SMARCAL1: variants seen among roughly 807,000 people sequenced by gnomAD.
SMARCAL1 encodes the protein SNF2 related chromatin remodeling annealing helicase 1, also known as ATP-driven annealing helicase.
A neutral mutation model predicts 94.5 loss-of-function variants in SMARCAL1; 58 were observed. The observed-to-expected ratio is 0.61, with a 90% CI of 0.50 to 0.76. The LOEUF is 0.76. Among genes scored for constraint, SMARCAL1 ranks in the 30% least tolerant of loss-of-function variants. The probability of loss-of-function intolerance (pLI) is 0.00; values close to 1 mark genes in which losing one functional copy is unlikely to be tolerated. For missense variants in SMARCAL1, 1,051 were observed against 1,177.9 expected (o/e 0.89, Z 1.58); for synonymous variants, 422 against 455.1 (o/e 0.93, Z 0.93).
At chr2:216,471,356 ATTTTT>A (rs200528251) in intron 14 of SMARCAL1, among the ~76,000 whole-genome samples, 1 of 143,238 alleles carries the variant, frequency 7.0e-6, no homozygotes, top group Non-Finnish European at 1.5e-5. Flanking sequence ...CAGTGATTAA[ATTTTT>A]TTTTTTTTTT....
chr2:216,459,927 AT>A (rs1249336538), intron 12 of SMARCAL1, among the ~76,000 whole-genome samples: 2 of 152,352 alleles, frequency 1.3e-5, no homozygotes, highest in Non-Finnish European at 2.9e-5. Flanking sequence ...AAGTTTTGCA[AT>A]CTACTCATCT....
At chr2:216,436,385 A>G (rs2106038282) in intron 9 of SMARCAL1, among the ~76,000 whole-genome samples, 1 of 152,340 alleles carries the variant, frequency 6.6e-6, no homozygotes, top group East Asian at 1.9e-4. Context: ...GAAAGTCTAG[A>G]CAGACTTGGT....
chr2:216,461,815 C>G (rs1694712907), intron 12 of SMARCAL1, among the ~76,000 whole-genome samples: 1 of 149,040 alleles, frequency 6.7e-6, no homozygotes, highest in Admixed American at 6.7e-5. Context: ...GTGTGACAGA[C>G]AGAGACCTTG....
Position 216,415,223 on chromosome 2 carries a change from C to G in SMARCAL1, c.519C>G (p.Ser173=). Residue 173 remains serine (S), a synonymous_variant, in exon 3 of 18, where the codon TCC becomes TCG. Transcript: ENST00000357276. The part of the protein sequence containing the change: ...THKPLAKPKS[S]QETPAHSSGQ... ...AGCCTCTGGCCAAACCAAAGAGTTCCCAAGAGACACCAGCTCATTCCTCTG... is the reference window on the plus strand; with the variant it reads ...AGCCTCTGGCCAAACCAAAGAGTTCGCAAGAGACACCAGCTCATTCCTCTG... 1.2e-6 allele frequency: 2 copies of G among 1,614,190 alleles called. No individual in the cohort carries two copies. Among genetic ancestry groups the G allele is most frequent in the Non-Finnish European group, 1.7e-6 (2 of 1,180,030 alleles).
intron 7 of SMARCAL1, among the ~76,000 whole-genome samples, chr2:216,430,908 G>T (rs768476961): frequency 6.6e-6 from 1 of 152,234 alleles, no homozygotes; most frequent in Non-Finnish European, 1.5e-5. Flanking sequence ...CTGTGTTGTG[G>T]GTTGATCCCA....
intron 3 of SMARCAL1, 26 bp downstream of exon 3, chr2:216,415,541 T>C: frequency 7.6e-7 from 1 of 1,318,910 alleles, no homozygotes; most frequent in Non-Finnish European, 9.9e-7. Flanking sequence ...TTCAGCTGTT[T>C]TTTTTTTTTT....
intron 7 of SMARCAL1, among the ~76,000 whole-genome samples, chr2:216,432,222 G>C (rs1693979454): frequency 6.6e-6 from 1 of 152,070 alleles, no homozygotes; most frequent in Non-Finnish European, 1.5e-5. Context: ...TCAAACTCCT[G>C]ACCTCAGGTG....
intron 14 of SMARCAL1, among the ~76,000 whole-genome samples, chr2:216,473,240 T>A (rs1459866909): frequency 1.3e-5 from 2 of 151,828 alleles, no homozygotes; most frequent in African/African-American, 4.8e-5. Context: ...GAATTTTATA[T>A]AAATATGGAA....
chr2:216,457,885 A>G (rs1559133709), intron 12 of SMARCAL1, among the ~76,000 whole-genome samples: 2 of 152,214 alleles, frequency 1.3e-5, no homozygotes, highest in African/African-American at 2.4e-5. Context: ...CAAAAAATCA[A>G]TGAATCCAGG....
In SMARCAL1 at chr2:216,475,879, C is replaced by T. The variant is rs1695065375; in HGVS notation, c.2427+428C>T. Among the ~76,000 whole-genome samples the T allele has an allele frequency of 6.6e-6, 1 of 152,112 alleles. No individual in the cohort carries two copies. Among genetic ancestry groups the T allele is most frequent in the Non-Finnish European group, 1.5e-5 (1 of 68,034 alleles). On this transcript the variant is annotated intron_variant, in intron 15 of 17. Transcript: ENST00000357276. This position sits in a 1 kb window ranked among gnomAD's most constrained non-coding sequence, Gnocchi z 4.4. Reference sequence around the variant, plus strand: ...CTTCCAGGGCTAGAAGGAATCTTGACTTCATGTCTCATAGGAGGAAGTTAG... The same window carrying T: ...CTTCCAGGGCTAGAAGGAATCTTGATTTCATGTCTCATAGGAGGAAGTTAG...
At chr2:216,477,303 CTAAG>C (rs1439632452) in intron 16 of SMARCAL1, 94 bp downstream of exon 16, 2 of 907,050 alleles carry the variant, frequency 2.2e-6, no homozygotes, top group African/African-American at 3.3e-5. Flanking sequence ...TCTGCTTTTG[CTAAG>C]TAAGGTCTTT....
In SMARCAL1 at chr2:216,476,388, T is replaced by A. The variant is rs115106158; in HGVS notation, c.2428-721T>A. On this transcript the variant is annotated intron_variant, in intron 15 of 17. Transcript: ENST00000357276. ...GGCTGGACTGCAGGGACTTACTGGC[T>A]CACTGCAGCCTTGATTTCCCGAGCT... 3.2e-3 allele frequency among the ~76,000 whole-genome samples: 492 copies of A among 152,134 alleles called. 2 individuals are homozygous for A. Among genetic ancestry groups the A allele is most frequent in the African/African-American group, 0.012 (479 of 41,504 alleles).
At chr2:216,476,353 C>G (rs1250092974) in intron 15 of SMARCAL1, among the ~76,000 whole-genome samples, 1 of 151,336 alleles carries the variant, frequency 6.6e-6, no homozygotes, top group Non-Finnish European at 1.5e-5. Context: ...GGGTCTTGCT[C>G]TGTCACCCAG....
chr2:216,480,864 T>A (rs1174326113), intron 17 of SMARCAL1, among the ~76,000 whole-genome samples: 1 of 152,096 alleles, frequency 6.6e-6, no homozygotes, highest in East Asian at 1.9e-4. Context: ...AAAAAATCTT[T>A]AAAGGAGAGC....
At chr2:216,469,431 G>A (rs978078140) in intron 14 of SMARCAL1, among the ~76,000 whole-genome samples, 9 of 151,546 alleles carry the variant, frequency 5.9e-5, no homozygotes, top group South Asian at 2.1e-4. Flanking sequence ...ACAGGTGCCC[G>A]CCACCATGCC....
At chr2:216,415,890 A>ACC in intron 3 of SMARCAL1, 1 of 383,994 alleles carries the variant, frequency 2.6e-6, no homozygotes, top group South Asian at 2.5e-5. Flanking sequence ...GCCCAGTTTC[A>ACC]TTGGTCTGGA....
intron 4 of SMARCAL1, 39 bp from the exon 5 acceptor site, chr2:216,420,260 C>T (rs73988775): frequency 1.6e-5 from 24 of 1,541,012 alleles, no homozygotes; most frequent in Admixed American, 3.5e-5. Flanking sequence ...TCATAGTCCC[C>T]TGCTTTATCA....
At chr2:216,423,328 G>T (rs1184734908) in intron 5 of SMARCAL1, among the ~76,000 whole-genome samples, 2 of 152,214 alleles carry the variant, frequency 1.3e-5, no homozygotes, top group African/African-American at 2.4e-5. Context: ...TACCATCCCT[G>T]TCACTCAGGG....
intron 14 of SMARCAL1, among the ~76,000 whole-genome samples, chr2:216,469,941 T>C (rs1047967213): frequency 2.6e-4 from 39 of 152,198 alleles, no homozygotes; most frequent in Admixed American, 2.5e-3. Flanking sequence ...TATCATCTCA[T>C]TCTTGCTCTA....
Sources: allele counts gnomAD v4.1 joint callset (sites outside exome capture counted in the v4.1 genomes callset), GRCh38; gene constraint gnomAD v4.1.1; non-coding constraint Gnocchi (gnomAD v3.1); transcripts MANE v1.5; gene names NCBI Gene and HGNC (gene_info 2026-07-23, HGNC 2026-07-21).